Variants in SPMIP4 observed in about 807,000 individuals in gnomAD.
SPMIP4 encodes sperm microtubule inner protein 4.
At chr7:25,179,442 C>CAGTGCAGAGGGAAG in the SPMIP4 span, 1 of 850,430 alleles carries the variant, frequency 1.2e-6, no homozygotes, top group Non-Finnish European at 1.7e-6. Flanking sequence ...TCACAGGCTT[C>CAGTGCAGAGGGAAG]CCTCTGCACT....
the SPMIP4 span, among the ~76,000 whole-genome samples, chr7:25,145,821 G>A: frequency 2.4e-4 from 37 of 152,186 alleles, 1 homozygote; most frequent in South Asian, 5.6e-3. Context: ...GCAAAACCAT[G>A]TACAAGGTTC....
the SPMIP4 span, chr7:25,179,471 A>C: frequency 1.7e-6 from 1 of 588,020 alleles, no homozygotes; most frequent in Middle Eastern, 4.7e-4. Context: ...TCAAATCAGT[A>C]ATAAATAGAG....
the SPMIP4 span, among the ~76,000 whole-genome samples, chr7:25,153,995 T>C: frequency 1.4e-4 from 22 of 152,372 alleles, no homozygotes; most frequent in African/African-American, 4.6e-4. Context: ...AAGTAGGTTC[T>C]ATTAATAATA....
At chr7:25,177,909 G>T in the SPMIP4 span, among the ~76,000 whole-genome samples, 1 of 152,178 alleles carries the variant, frequency 6.6e-6, no homozygotes, top group South Asian at 2.1e-4. Flanking sequence ...TGTCACCCAG[G>T]TGATAAGCAT....
At chr7:25,142,328 C>T in the SPMIP4 span, 77 of 1,600,102 alleles carry the variant, frequency 4.8e-5, no homozygotes, top group Non-Finnish European at 6.1e-5. Context: ...CCATGGGCCC[C>T]AGACCTTAAT....
chr7:25,158,487 A>T, the SPMIP4 span: 1 of 1,599,428 alleles, frequency 6.3e-7, no homozygotes, highest in East Asian at 2.2e-5. Context: ...GGAAAATATA[A>T]GTTATTTACT....
chr7:25,128,884 C>T, the SPMIP4 span, among the ~76,000 whole-genome samples: 1 of 152,232 alleles, frequency 6.6e-6, no homozygotes, highest in African/African-American at 2.4e-5. The surrounding 1 kb of genome is among the most constrained non-coding windows in gnomAD (Gnocchi z 4.5). Context: ...GGGCTCTTCC[C>T]TTTAAGGCAA....
chr7:25,147,754 T>G, the SPMIP4 span, among the ~76,000 whole-genome samples: 4 of 152,362 alleles, frequency 2.6e-5, no homozygotes, highest in African/African-American at 9.6e-5. Flanking sequence ...ATAATACCGA[T>G]AGCAGCTAAT....
the SPMIP4 span, among the ~76,000 whole-genome samples, chr7:25,156,556 A>G: frequency 1.7e-4 from 26 of 152,192 alleles, no homozygotes; most frequent in Non-Finnish European, 2.9e-4. Context: ...ACAATTTTTT[A>G]AATGGCAGCT....
At chr7:25,179,365 T>C in the SPMIP4 span, 4 of 1,575,916 alleles carry the variant, frequency 2.5e-6, no homozygotes, top group African/African-American at 4.1e-5. Context: ...ATTTGGCTTG[T>C]CGAGTCAAGG....
the SPMIP4 span, chr7:25,155,297 A>G: frequency 4.1e-6 from 4 of 974,816 alleles, no homozygotes; most frequent in Non-Finnish European, 5.9e-6. Flanking sequence ...TAAATGGCAG[A>G]AACTGTTCTA....
the SPMIP4 span, chr7:25,136,168 A>G: frequency 3.1e-6 from 5 of 1,614,104 alleles, no homozygotes; most frequent in African/African-American, 6.7e-5. This position sits in a 1 kb window ranked among gnomAD's most constrained non-coding sequence, Gnocchi z 5.7. Context: ...AATCCAACCA[A>G]GAACAGGTCT....
the SPMIP4 span, among the ~76,000 whole-genome samples, chr7:25,154,672 T>C: frequency 0.24 from 36,583 of 152,032 alleles, 4,946 homozygotes; most frequent in East Asian, 0.31. Context: ...TGGGCTAGGA[T>C]GAAATTTTTA....
chr7:25,146,421 T>C, the SPMIP4 span, among the ~76,000 whole-genome samples: 1 of 152,132 alleles, frequency 6.6e-6, no homozygotes, highest in Admixed American at 6.6e-5. Flanking sequence ...CTGGCAGTCA[T>C]GGAGAGGTGC....
the SPMIP4 span, chr7:25,136,281 A>T: frequency 1.9e-6 from 3 of 1,614,020 alleles, no homozygotes; most frequent in Non-Finnish European, 2.5e-6. The surrounding 1 kb of genome is among the most constrained non-coding windows in gnomAD (Gnocchi z 5.7). Flanking sequence ...TTTGTAAAAC[A>T]CTAGGTTTAC....
chr7:25,137,740 A>AATTCACCCTCATGACCTCATTTTAACTTG, the SPMIP4 span, among the ~76,000 whole-genome samples: 1 of 152,144 alleles, frequency 6.6e-6, no homozygotes, highest in Non-Finnish European at 1.5e-5. Context: ...GATTGGATTA[A>AATTCACCCTCATGACCTCATTTTAACTTG]ATTCACCCTC....
At chr7:25,158,553 G>T in the SPMIP4 span, 4 of 1,601,180 alleles carry the variant, frequency 2.5e-6, no homozygotes, top group Non-Finnish European at 3.4e-6. Context: ...CAGGAAACAA[G>T]TTCTAACTTA....
the SPMIP4 span, among the ~76,000 whole-genome samples, chr7:25,150,560 A>C: frequency 6.6e-6 from 1 of 152,242 alleles, no homozygotes; most frequent in South Asian, 2.1e-4. Flanking sequence ...GGATTGCTGG[A>C]TGCCAAGAGA....
the SPMIP4 span, chr7:25,134,820 T>C: frequency 1.0e-6 from 1 of 985,284 alleles, no homozygotes; most frequent in African/African-American, 1.7e-5. Context: ...GCATTACATA[T>C]TAAAGGCTAT....
Sources: allele counts gnomAD v4.1 joint callset (sites outside exome capture counted in the v4.1 genomes callset), GRCh38; gene constraint gnomAD v4.1.1; non-coding constraint Gnocchi (gnomAD v3.1); transcripts MANE v1.5; gene names NCBI Gene and HGNC (gene_info 2026-07-23, HGNC 2026-07-21).